CTIF: variants seen among roughly 807,000 people sequenced by gnomAD.
CTIF encodes cap binding complex dependent translation initiation factor.
CTIF carries 21 observed loss-of-function variants against 66.0 expected under a neutral mutation model. The ratio of observed to expected loss-of-function variants is 0.32; its 90% CI spans 0.23 to 0.46. The LOEUF is 0.46. Among genes scored for constraint, CTIF ranks in the 20% least tolerant of loss-of-function variants. The probability of loss-of-function intolerance (pLI) is 1.00; values close to 1 mark genes in which losing one functional copy is unlikely to be tolerated. For missense variants in CTIF, 739 were observed against 812.7 expected (o/e 0.91, Z 1.10); for synonymous variants, 345 against 326.4 (o/e 1.06, Z -0.62).
intron 5 of CTIF, among the ~76,000 whole-genome samples, chr18:48,666,772 C>T (rs1350752637): frequency 1.3e-5 from 2 of 152,244 alleles, no homozygotes; most frequent in African/African-American, 4.8e-5. Context: ...ACCCTGCTCA[C>T]TGCCTGCTCA....
chr18:48,756,281 G>A (rs1308901209), intron 7 of CTIF: 1 of 152,110 alleles, frequency 6.6e-6, no homozygotes, highest in Non-Finnish European at 1.5e-5. Flanking sequence ...ATCCCCATTG[G>A]GGATAATGAG....
At chr18:48,854,094 G>A in intron 10 of CTIF, among the ~76,000 whole-genome samples, 1 of 152,138 alleles carries the variant, frequency 6.6e-6, no homozygotes, top group Non-Finnish European at 1.5e-5. Flanking sequence ...TGTTGCCAGG[G>A]GCTTTGCTTG....
intron 10 of CTIF, among the ~76,000 whole-genome samples, chr18:48,832,024 A>G (rs2068702339): frequency 6.6e-6 from 1 of 152,172 alleles, no homozygotes; most frequent in African/African-American, 2.4e-5. Context: ...CTGGATTCCC[A>G]AAGTCTCAAA....
At chr18:48,757,803 T>C (rs895269637) in intron 7 of CTIF, 116 bp from the exon 8 acceptor site, 4 of 1,376,676 alleles carry the variant, frequency 2.9e-6, no homozygotes, top group African/African-American at 2.9e-5. Flanking sequence ...GAAGTGTTTG[T>C]TGGAAGAATG....
At chr18:48,703,228 G>T (rs1052262920) in intron 6 of CTIF, among the ~76,000 whole-genome samples, 1 of 152,174 alleles carries the variant, frequency 6.6e-6, no homozygotes, top group African/African-American at 2.4e-5. Flanking sequence ...GTGAAGAAGA[G>T]GGGGACTGTA....
intron 9 of CTIF, among the ~76,000 whole-genome samples, chr18:48,783,334 C>A (rs745911481): frequency 6.6e-6 from 1 of 152,156 alleles, no homozygotes; most frequent in Non-Finnish European, 1.5e-5. Flanking sequence ...GGCTACTACT[C>A]TGAGATTGCA....
At chr18:48,603,390 G>GATGGATGGATGGATGA (rs2090137124) in intron 1 of CTIF, among the ~76,000 whole-genome samples, 1 of 148,538 alleles carries the variant, frequency 6.7e-6, no homozygotes, top group African/African-American at 2.5e-5. Flanking sequence ...TGGATGGATG[G>GATGGATGGATGGATGA]ATGGATATGT....
In CTIF at chr18:48,596,969, C is replaced by T. The variant is rs184450553; in HGVS notation, c.-28-22569C>T. 6.8e-4 allele frequency among the ~76,000 whole-genome samples: 104 copies of T among 152,318 alleles called. 3 individuals carry two copies. Among genetic ancestry groups the T allele is most frequent in the African/African-American group, 2.5e-3 (102 of 41,576 alleles). ...TAGCAGTGACTGCTGTTTTTAATGG[C>T]TCCTCAACCTGAAGGTGTAAAGCCA... On this transcript the variant is annotated intron_variant, in intron 1 of 11. Coordinates refer to ENST00000256413, the MANE Select transcript of CTIF (RefSeq NM_014772.3).
At chr18:48,745,940 G>A (rs544325115) in intron 7 of CTIF, among the ~76,000 whole-genome samples, 106 of 152,298 alleles carry the variant, frequency 7.0e-4, no homozygotes, top group Admixed American at 1.8e-3. Flanking sequence ...AGCTAACTCC[G>A]TTTCACATTT....
rs1374741856 is a variant in CTIF at position 48,730,463 on chromosome 18, G to T, written c.584+18768G>T. On this transcript the variant is annotated intron_variant, in intron 7 of 11. Transcript: ENST00000256413. ...CCCCTGTGGTGTGAGGGGCTTCCGC[G>T]GTGTGAGGGGCTTCCGCGGTGTGAG... Among the ~76,000 whole-genome samples the T allele has an allele frequency of 5.4e-4, 68 of 126,016 alleles. 1 individual carries two copies. The highest frequency in any genetic ancestry group is 5.5e-4 in the Non-Finnish European group (31 of 56,770). 82.7% of individuals were successfully genotyped at this position (126,016 alleles called of 152,430 possible).
chr18:48,661,942 C>G (rs1277406509), intron 3 of CTIF: 2 of 152,258 alleles, frequency 1.3e-5, no homozygotes, highest in Non-Finnish European at 2.9e-5. Context: ...GTCAGGAGCA[C>G]TGAGCTTCCA....
At chr18:48,628,634 T>TG (rs1193194518) in intron 2 of CTIF, among the ~76,000 whole-genome samples, 1 of 152,088 alleles carries the variant, frequency 6.6e-6, no homozygotes, top group Non-Finnish European at 1.5e-5. Context: ...TTATTACAGA[T>TG]GGGGGAAACT....
intron 9 of CTIF, among the ~76,000 whole-genome samples, chr18:48,788,151 TG>T (rs928809285): frequency 2.0e-4 from 31 of 152,134 alleles, no homozygotes; most frequent in Non-Finnish European, 4.0e-4. Context: ...GCCTTTAGGC[TG>T]GGGGGAGAAG....
intron 9 of CTIF, among the ~76,000 whole-genome samples, chr18:48,793,952 T>G (rs2067850976): frequency 6.6e-6 from 1 of 152,172 alleles, no homozygotes; most frequent in Admixed American, 6.5e-5. Context: ...GCCCGCACAG[T>G]GCTGGCAGTG....
At chr18:48,763,103 G>A (rs923901935) in intron 9 of CTIF, among the ~76,000 whole-genome samples, 4 of 152,232 alleles carry the variant, frequency 2.6e-5, no homozygotes, top group East Asian at 1.9e-4. Flanking sequence ...GGAGAGTGGC[G>A]GGCAGAGAAG....
intron 6 of CTIF, among the ~76,000 whole-genome samples, chr18:48,677,373 C>G (rs1284497601): frequency 6.6e-6 from 1 of 152,176 alleles, no homozygotes. Context: ...CCATTATGGA[C>G]TGAGTTTAAG....
intron 3 of CTIF, among the ~76,000 whole-genome samples, chr18:48,644,278 C>T (rs1568099255): frequency 6.6e-6 from 1 of 152,176 alleles, no homozygotes; most frequent in East Asian, 1.9e-4. Flanking sequence ...GCACTGGGCA[C>T]TGGGATGGTG....
intron 7 of CTIF, among the ~76,000 whole-genome samples, chr18:48,745,795 T>A (rs1401667695): frequency 2.0e-5 from 3 of 152,182 alleles, no homozygotes; most frequent in Non-Finnish European, 4.4e-5. Context: ...GGGAGCCATG[T>A]CCCAAGATGG....
chr18:48,847,527 C>T (rs1353646865), intron 10 of CTIF, among the ~76,000 whole-genome samples: 1 of 152,138 alleles, frequency 6.6e-6, no homozygotes, highest in Admixed American at 6.5e-5. Context: ...ATACCTGTGG[C>T]CTTTCCCTGT....
Sources: gnomAD v4.1 joint callset for allele counts (sites outside exome capture counted in the v4.1 genomes callset) on GRCh38, gnomAD v4.1.1 for gene constraint, MANE v1.5 for transcripts, NCBI Gene and HGNC (gene_info 2026-07-23, HGNC 2026-07-21) for gene names.